Variants in VWA2 observed in about 807,000 individuals in gnomAD.
VWA2 encodes von Willebrand factor A domain containing 2.
Under a neutral mutation model 70.4 loss-of-function variants are expected in VWA2, and 73 were observed. That is an observed-to-expected ratio of 1.04 (90% CI 0.86 to 1.26). The LOEUF is 1.26. VWA2 is among the 50% of genes most tolerant of loss of function. The probability of loss-of-function intolerance (pLI) is 0.00; values close to 1 mark genes in which losing one functional copy is unlikely to be tolerated. For missense variants in VWA2, 1,011 were observed against 998.5 expected, an observed-to-expected ratio of 1.01 and a Z score of -0.17; for synonymous variants, 407 against 423.3, an observed-to-expected ratio of 0.96 and a Z score of 0.47.
chr10:114,241,473 A>G (rs1381733500), intron 1 of VWA2, among the ~76,000 whole-genome samples: 1 of 152,128 alleles, frequency 6.6e-6, no homozygotes, highest in Admixed American at 6.5e-5. Flanking sequence ...TAGCTTTCTC[A>G]GATTGGTGTC....
At position 114,292,951 on chromosome 10, in the gene VWA2, C is replaced by A; in HGVS notation, c.*1714C>A. ...CGAACTTCTGACCTCAGGTGATCCC[C>A]CTGCCTTGGCCTCCCAAAGTTCTGG... On this transcript the variant is annotated 3_prime_UTR_variant, in exon 14 of 14. Coordinates refer to ENST00000392982, the MANE Select transcript of VWA2 (RefSeq NM_001272046.2). Among the ~76,000 whole-genome samples, 1 of 152,176 alleles carries A rather than the reference C, an allele frequency of 6.6e-6. No individual in the cohort carries two copies. Among genetic ancestry groups the A allele is most frequent in the East Asian group, 1.9e-4 (1 of 5,198 alleles).
At chr10:114,278,334 C>T (rs1190628897) in intron 7 of VWA2, among the ~76,000 whole-genome samples, 1 of 152,186 alleles carries the variant, frequency 6.6e-6, no homozygotes, top group Non-Finnish European at 1.5e-5. Flanking sequence ...GCCAAGTCTC[C>T]TCCCCCTGCC....
chr10:114,259,918 G>A (rs140793586), intron 4 of VWA2, among the ~76,000 whole-genome samples: 74 of 152,280 alleles, frequency 4.9e-4, no homozygotes, highest in African/African-American at 1.7e-3. Context: ...CCTGCAAAAA[G>A]GAACCCCACC....
rs550440612 is a variant in VWA2, at chr10:114,257,873, G to A, written c.261+2825G>A. Among the ~76,000 whole-genome samples the A allele has an allele frequency of 6.6e-5, 10 of 152,332 alleles. No individual in the cohort carries two copies. In the South Asian group the frequency reaches 1.2e-3, roughly 19 times the overall value. ...TGGGCCAAACAGTCAGTGCCCATGA[G>A]AAGGAGCCAGGACAGCCAGAGGCCT... On this transcript the variant is annotated intron_variant, in intron 4 of 13. Coordinates refer to ENST00000392982, the MANE Select transcript of VWA2 (RefSeq NM_001272046.2).
intron 1 of VWA2, among the ~76,000 whole-genome samples, chr10:114,240,809 A>C (rs1425207810): frequency 6.6e-6 from 1 of 152,132 alleles, no homozygotes; most frequent in Non-Finnish European, 1.5e-5. Context: ...CTTTTGTAAA[A>C]TCCAGCCCAG....
intron 12 of VWA2, 65 bp downstream of exon 12, chr10:114,289,554 A>G (rs2039342555): frequency 6.4e-7 from 1 of 1,572,782 alleles, no homozygotes; most frequent in Non-Finnish European, 8.7e-7. Context: ...GAGCCTTCAC[A>G]TACATCATGA....
intron 4 of VWA2, among the ~76,000 whole-genome samples, chr10:114,258,460 G>C (rs912954267): frequency 1.3e-5 from 2 of 152,130 alleles, no homozygotes; most frequent in African/African-American, 4.8e-5. Context: ...AGCTGGGCGG[G>C]CCTGTTTCTG....
chr10:114,280,740 T>G (rs1315220643), intron 8 of VWA2: 1 of 152,004 alleles, frequency 6.6e-6, no homozygotes, highest in Non-Finnish European at 1.5e-5. Flanking sequence ...CAAACTTTGT[T>G]TTTATTATTA....
At chr10:114,259,442 C>T (rs1251967563) in intron 4 of VWA2, among the ~76,000 whole-genome samples, 1 of 149,444 alleles carries the variant, frequency 6.7e-6, no homozygotes, top group African/African-American at 2.5e-5. Context: ...TTTTTTATGC[C>T]ATTAAGGTAT....
intron 4 of VWA2, 62 bp downstream of exon 4, chr10:114,255,110 C>T (rs924926755): frequency 2.5e-5 from 39 of 1,586,408 alleles, no homozygotes; most frequent in Non-Finnish European, 3.2e-5. Context: ...GACAGAAACC[C>T]GGTCTCAAGC....
intron 11 of VWA2, among the ~76,000 whole-genome samples, chr10:114,287,110 G>A (rs577064136): frequency 7.2e-5 from 11 of 152,304 alleles, no homozygotes; most frequent in Admixed American, 1.3e-4. Flanking sequence ...GACCCCTATT[G>A]GAAGGCACTC....
At chr10:114,250,822 C>A (rs1175453687) in intron 2 of VWA2, among the ~76,000 whole-genome samples, 1 of 152,224 alleles carries the variant, frequency 6.6e-6, no homozygotes, top group Non-Finnish European at 1.5e-5. Flanking sequence ...GAGTCCTGGG[C>A]ACAGTCCAGG....
chr10:114,257,039 TC>T (rs1269394533), intron 4 of VWA2, among the ~76,000 whole-genome samples: 1 of 152,168 alleles, frequency 6.6e-6, no homozygotes, highest in African/African-American at 2.4e-5. Flanking sequence ...CCTAGATTAA[TC>T]CTAGTTAAAA....
rs1168087279 is a variant in VWA2 at position 114,291,260 on chromosome 10, G to A, written c.*23G>A. The A allele has an allele frequency of 1.3e-6, 2 of 1,549,146 alleles. No individual in the cohort carries two copies. The highest frequency in any genetic ancestry group is 2.4e-5 in the East Asian group (1 of 40,896). ...TGAGGCACATGGCTCCCGTGCAGGA[G>A]GGCAGCAGCCGTACCCCTCCCAGCA... On this transcript the variant is annotated 3_prime_UTR_variant, in exon 14 of 14. Coordinates refer to ENST00000392982, the MANE Select transcript of VWA2 (RefSeq NM_001272046.2).
rs1377713276 is a variant in VWA2 at position 114,278,010 on chromosome 10, C to A, written c.663C>A (p.Thr221=). ...ATGCCACCAACGGCCTCTTCAGCAC[C>A]CTCAGCAGCTCGGCCATCTGCTCCA... ...VEDATNGLFS[T]LSSSAICSSA... is the part of the protein sequence containing the mutation. The change falls in exon 7 of 14, where the codon ACC becomes ACA. Residue 221 remains threonine, a synonymous_variant. Coordinates refer to ENST00000392982, the MANE Select transcript of VWA2 (RefSeq NM_001272046.2). The A allele has an allele frequency of 6.2e-7, 1 of 1,612,752 alleles. No homozygotes were observed. The highest frequency in any genetic ancestry group is 8.5e-7 in the Non-Finnish European group (1 of 1,179,326).
intron 6 of VWA2, among the ~76,000 whole-genome samples, chr10:114,276,641 G>A (rs2037848997): frequency 6.6e-6 from 1 of 151,256 alleles, no homozygotes; most frequent in South Asian, 2.1e-4. Flanking sequence ...TGAAGTAGCT[G>A]GGAATACAGA....
chr10:114,260,724 C>T (rs1202380544), intron 4 of VWA2, among the ~76,000 whole-genome samples: 1 of 152,176 alleles, frequency 6.6e-6, no homozygotes, highest in Admixed American at 6.5e-5. Flanking sequence ...TAAGCATTTG[C>T]CTTGGGCCAG....
rs186436576 is a variant in VWA2 at position 114,277,098 on chromosome 10, G to A, written c.567-816G>A. ...AAATGAATGGGATTTTTGCCCTATC[G>A]TCAAACCTTGGTCCACCCTGATGAC... is the stretch of plus-strand genomic sequence containing the variant. On this transcript the variant is annotated intron_variant, in intron 6 of 13. Coordinates refer to ENST00000392982, the MANE Select transcript of VWA2 (RefSeq NM_001272046.2). 1.1e-4 allele frequency among the ~76,000 whole-genome samples: 16 copies of A among 146,324 alleles called. No homozygotes were observed. The East Asian group carries it at 2.8e-3, about 26-fold the overall frequency.
At position 114,248,850 on chromosome 10, in the gene VWA2, C is replaced by T. The variant is rs1040809695; in HGVS notation, c.52+85C>T. 1.2e-5 allele frequency: 15 copies of T among 1,288,572 alleles called. No individual in the cohort carries two copies. The African/African-American group carries it at 2.1e-4, about 18-fold the overall frequency. 79.8% of individuals were successfully genotyped at this position (1,288,572 alleles called of 1,614,324 possible). On this transcript the variant is annotated intron_variant, in intron 2 of 13. Coordinates refer to ENST00000392982, the MANE Select transcript of VWA2 (RefSeq NM_001272046.2). ...CTTCAAATCCTGTTGATTTTCAATT[C>T]TAAAGGTCTCTTGAATCCACCTGCA...
Sources: gnomAD v4.1 joint callset for allele counts (sites outside exome capture counted in the v4.1 genomes callset) on GRCh38, gnomAD v4.1.1 for gene constraint, MANE v1.5 for transcripts, NCBI Gene and HGNC (gene_info 2026-07-23, HGNC 2026-07-21) for gene names.